ACTR3C: variants seen among roughly 807,000 people sequenced by gnomAD.
The protein encoded by ACTR3C is actin related protein 3C.
In ACTR3C, 18 loss-of-function variants were observed where a neutral mutation model predicts 26.3. The ratio of observed to expected loss-of-function variants is 0.68; its 90% confidence interval spans 0.47 to 1.01. The LOEUF (loss-of-function observed/expected upper bound fraction) is 1.01. ACTR3C is among the 50% of genes least tolerant of loss of function. ACTR3C has a pLI of 0.00. For synonymous variants in ACTR3C, 55 were observed against 94.5 expected (o/e 0.58, Z 2.42); for missense variants, 184 against 250.7 (o/e 0.73, Z 1.80).
chr7:149,973,640 C>A, the ACTR3C span, among the ~76,000 whole-genome samples: 8,949 of 151,858 alleles, frequency 0.059, 743 homozygotes, highest in African/African-American at 0.19. Context: ...ATTGGTCAAA[C>A]ACAAAAGTCT....
At chr7:150,243,055 T>C (rs949202395), downstream of ACTR3C, among the ~76,000 whole-genome samples, 4 of 152,186 alleles carry the variant, frequency 2.6e-5, no homozygotes, top group Non-Finnish European at 4.4e-5. Context: ...TGAGAGTTAT[T>C]ACATTTACTG....
chr7:150,300,511 GAAA>G (rs1236113019), intron 1 of ACTR3C, among the ~76,000 whole-genome samples: 1 of 151,980 alleles, frequency 6.6e-6, no homozygotes, highest in Non-Finnish European at 1.5e-5. Context: ...ACGCTCTCTA[GAAA>G]TCTTCCAGCA....
At chr7:150,104,290 C>A in the ACTR3C span, among the ~76,000 whole-genome samples, 6 of 151,630 alleles carry the variant, frequency 4.0e-5, no homozygotes, top group African/African-American at 1.5e-4. Context: ...AGGATAGGCC[C>A]AGAATTTTTA....
the ACTR3C span, among the ~76,000 whole-genome samples, chr7:150,015,349 A>C: frequency 1.3e-5 from 2 of 152,186 alleles, no homozygotes; most frequent in Non-Finnish European, 2.9e-5. Flanking sequence ...GTTGATTTCT[A>C]ATATGAATCA....
At chr7:150,116,996 C>T in the ACTR3C span, among the ~76,000 whole-genome samples, 1 of 152,096 alleles carries the variant, frequency 6.6e-6, no homozygotes, top group South Asian at 2.1e-4. Flanking sequence ...GAACTCCCTC[C>T]CCTGGCCAAG....
chr7:149,899,752 T>A, the ACTR3C span, among the ~76,000 whole-genome samples: 1 of 151,662 alleles, frequency 6.6e-6, no homozygotes. Context: ...ACTGCCAAAT[T>A]TGGCAAGAAA....
At chr7:150,184,702 G>T in the ACTR3C span, among the ~76,000 whole-genome samples, 1 of 150,334 alleles carries the variant, frequency 6.7e-6, no homozygotes, top group East Asian at 1.9e-4. Flanking sequence ...GAACTATTTT[G>T]TTGAAAATAA....
the ACTR3C span, among the ~76,000 whole-genome samples, chr7:150,209,309 A>G: frequency 1.4e-5 from 2 of 141,474 alleles, no homozygotes; most frequent in Non-Finnish European, 3.0e-5. Context: ...AGAGACAGAA[A>G]CAGAGAGAGA....
the ACTR3C span, among the ~76,000 whole-genome samples, chr7:150,078,114 C>T: frequency 5.3e-4 from 80 of 152,340 alleles, no homozygotes; most frequent in East Asian, 5.0e-3. Context: ...TTAGGCATTG[C>T]CTAGAACTCT....
At chr7:150,126,014 A>G in the ACTR3C span, among the ~76,000 whole-genome samples, 5 of 152,208 alleles carry the variant, frequency 3.3e-5, no homozygotes, top group Non-Finnish European at 7.3e-5. Context: ...GCAGCAAAAT[A>G]AACAGCTGAC....
At chr7:150,040,469 T>C in the ACTR3C span, 2 of 148,360 alleles carry the variant, frequency 1.3e-5, no homozygotes, top group Non-Finnish European at 3.0e-5. Context: ...GCCCCCTTTG[T>C]GACCTCATAC....
the ACTR3C span, among the ~76,000 whole-genome samples, chr7:150,117,796 C>T: frequency 6.6e-6 from 1 of 152,214 alleles, no homozygotes; most frequent in Admixed American, 6.5e-5. Flanking sequence ...GGGGAGACAC[C>T]TCCCAGCAGA....
the ACTR3C span, among the ~76,000 whole-genome samples, chr7:150,086,121 C>T: frequency 4.1e-4 from 62 of 152,188 alleles, no homozygotes; most frequent in African/African-American, 1.4e-3. Flanking sequence ...GTAGCTGGGA[C>T]TACACGTGTG....
At chr7:149,907,478 T>TTCTCTCTCTCTCTC in the ACTR3C span, among the ~76,000 whole-genome samples, 21 of 97,672 alleles carry the variant, frequency 2.2e-4, no homozygotes, top group East Asian at 2.7e-3. Flanking sequence ...CTCTCTTCTC[T>TTCTCTCTCTCTCTC]TCTCTCTCTC....
chr7:150,311,613 C>T (rs918874232), intron 1 of ACTR3C, among the ~76,000 whole-genome samples: 1 of 152,222 alleles, frequency 6.6e-6, no homozygotes, highest in African/African-American at 2.4e-5. Context: ...TCCTGAGCCA[C>T]ATGACTGTAT....
chr7:150,293,804 C>T lies in ACTR3C; in HGVS notation c.46-385G>A, dbSNP rs185439235. On this transcript the variant is annotated intron_variant, in intron 2 of 7. Transcript: ENST00000683684. Reference sequence around the variant, plus strand: ...TACAAAAATTAGCCAGGCGTGGTGACACGCACCTGTACTCCCAGCTACTCG... The same window carrying T: ...TACAAAAATTAGCCAGGCGTGGTGATACGCACCTGTACTCCCAGCTACTCG... 1.6e-3 allele frequency among the ~76,000 whole-genome samples: 248 copies of T among 152,298 alleles called. 1 individual carries two copies. The highest frequency in any genetic ancestry group is 5.2e-3 in the African/African-American group (217 of 41,544).
intron 1 of ACTR3C, among the ~76,000 whole-genome samples, chr7:150,300,323 G>C (rs1295804693): frequency 6.6e-6 from 1 of 152,182 alleles, no homozygotes; most frequent in Non-Finnish European, 1.5e-5. Context: ...CTGCACTCCA[G>C]CCTGGGCTAC....
the ACTR3C span, among the ~76,000 whole-genome samples, chr7:150,185,023 C>T: frequency 1.3e-5 from 2 of 151,448 alleles, no homozygotes; most frequent in Non-Finnish European, 2.9e-5. Context: ...GATCTTTGGG[C>T]TATGCCTAAA....
chr7:149,970,622 G>A, the ACTR3C span, among the ~76,000 whole-genome samples: 2 of 152,220 alleles, frequency 1.3e-5, no homozygotes, highest in East Asian at 1.9e-4. Flanking sequence ...CTTAAAGGTC[G>A]ATTTCCCCTT....
Sources: gnomAD v4.1 joint callset for allele counts (sites outside exome capture counted in the v4.1 genomes callset) on GRCh38, gnomAD v4.1.1 for gene constraint, MANE v1.5 for transcripts, NCBI Gene and HGNC (gene_info 2026-07-23, HGNC 2026-07-21) for gene names.